IQGAP2: variants seen among roughly 807,000 people sequenced by gnomAD.
IQGAP2 encodes IQ motif containing GTPase activating protein 2, also known as ras GTPase-activating-like protein IQGAP2.
In IQGAP2, 173 loss-of-function variants were observed where a neutral mutation model predicts 201.3. That is an observed-to-expected ratio of 0.86 (90% CI 0.76 to 0.98). The LOEUF (loss-of-function observed/expected upper bound fraction) is 0.98. Ranked by LOEUF, IQGAP2 falls within the 50% of genes least tolerant of loss-of-function variation. The pLI is 0.00. For synonymous variants in IQGAP2, 675 were observed against 673.9 expected, an observed-to-expected ratio of 1.00 and a Z score of -0.03; for missense variants, 1,687 against 1,864.8, an observed-to-expected ratio of 0.90 and a Z score of 1.76.
At chr5:76,576,415 G>A (rs1340771208) in intron 5 of IQGAP2, among the ~76,000 whole-genome samples, 1 of 152,186 alleles carries the variant, frequency 6.6e-6, no homozygotes, top group African/African-American at 2.4e-5. Context: ...TGGAAGAAAT[G>A]TGATTTTTAG....
At chr5:76,564,894 G>A (rs558692180) in intron 3 of IQGAP2, among the ~76,000 whole-genome samples, 18 of 152,144 alleles carry the variant, frequency 1.2e-4, no homozygotes, top group Admixed American at 6.5e-4. Flanking sequence ...TGGCGTGGGA[G>A]CCCATCCTTG....
chr5:76,693,324 GA>G, intron 30 of IQGAP2, 30 bp from the exon 31 acceptor site: 3 of 1,514,654 alleles, frequency 2.0e-6, no homozygotes, highest in Non-Finnish European at 2.7e-6. Flanking sequence ...ACTACAGTCT[GA>G]AAGTCTGTCT....
intron 2 of IQGAP2, among the ~76,000 whole-genome samples, chr5:76,559,917 C>A (rs547628947): frequency 1.3e-5 from 2 of 152,156 alleles, no homozygotes; most frequent in African/African-American, 2.4e-5. Flanking sequence ...TGCCCACCCC[C>A]CTACCTCTGA....
chr5:76,532,514 T>A (rs1347675660), intron 2 of IQGAP2, among the ~76,000 whole-genome samples: 1 of 152,096 alleles, frequency 6.6e-6, no homozygotes, highest in Non-Finnish European at 1.5e-5. Flanking sequence ...TAGAAAACCC[T>A]TTGCATATGA....
At chr5:76,576,086 C>T (rs1368815996) in intron 5 of IQGAP2, among the ~76,000 whole-genome samples, 1 of 152,110 alleles carries the variant, frequency 6.6e-6, no homozygotes, top group East Asian at 1.9e-4. Context: ...CTACTATATT[C>T]TTGAGTTATG....
At chr5:76,538,562 T>C (rs886746918) in intron 2 of IQGAP2, among the ~76,000 whole-genome samples, 3 of 152,212 alleles carry the variant, frequency 2.0e-5, no homozygotes, top group African/African-American at 7.2e-5. Context: ...GAGTTTATAA[T>C]TGATGTGTGT....
intron 2 of IQGAP2, among the ~76,000 whole-genome samples, chr5:76,524,959 A>G (rs1230989736): frequency 6.6e-6 from 1 of 152,252 alleles, no homozygotes; most frequent in Non-Finnish European, 1.5e-5. Context: ...AATGTATTCA[A>G]CAAGGAAGCT....
At chr5:76,412,079 A>G (rs1751156274) in intron 1 of IQGAP2, among the ~76,000 whole-genome samples, 1 of 152,134 alleles carries the variant, frequency 6.6e-6, no homozygotes, top group Admixed American at 6.5e-5. Context: ...TTCATTCACA[A>G]TTTTTAGAAC....
chr5:76,439,214 G>T (rs1399323613), intron 1 of IQGAP2, among the ~76,000 whole-genome samples: 1 of 152,218 alleles, frequency 6.6e-6, no homozygotes, highest in Admixed American at 6.5e-5. Context: ...GGTCTGAGAA[G>T]ATACTTAATA....
chr5:76,627,057 G>A (rs966600945), intron 13 of IQGAP2, among the ~76,000 whole-genome samples: 8 of 152,156 alleles, frequency 5.3e-5, no homozygotes, highest in Admixed American at 3.9e-4. Flanking sequence ...GAAGCTTTAA[G>A]TAGAGGAGTG....
chr5:76,472,638 G>A (rs957117800), intron 2 of IQGAP2, among the ~76,000 whole-genome samples: 2 of 152,160 alleles, frequency 1.3e-5, no homozygotes, highest in African/African-American at 4.8e-5. Flanking sequence ...AAAGTTCTTT[G>A]TTTTTAGTTT....
chr5:76,641,248 T>C (rs1358746232), intron 17 of IQGAP2, 145 bp downstream of exon 17: 3 of 597,212 alleles, frequency 5.0e-6, no homozygotes, highest in Non-Finnish European at 5.7e-6. Flanking sequence ...CTAGTCTACT[T>C]CACTAAGGCT....
rs574490168 is a variant in IQGAP2, at chr5:76,669,560, T to C, written c.2843+716T>C. ...GACAGGAGGAAAGATTCCAACTAGGTTGACTAGTAAAGATTTTATAGAAGA... is the reference window on the plus strand; with the variant it reads ...GACAGGAGGAAAGATTCCAACTAGGCTGACTAGTAAAGATTTTATAGAAGA... On this transcript the variant is annotated intron_variant, in intron 23 of 35. Coordinates refer to ENST00000274364, the MANE Select transcript of IQGAP2 (RefSeq NM_006633.5). Among the ~76,000 whole-genome samples the C allele has an allele frequency of 5.3e-5, 8 of 152,196 alleles. No homozygotes were observed. The South Asian group carries it at 1.4e-3, about 28-fold the overall frequency.
chr5:76,528,599 G>T (rs1404092550), intron 2 of IQGAP2, among the ~76,000 whole-genome samples: 2 of 152,126 alleles, frequency 1.3e-5, no homozygotes, highest in Non-Finnish European at 2.9e-5. Context: ...AAGCTCAAGG[G>T]AGTGAATGCC....
chr5:76,631,718 T>C, intron 14 of IQGAP2, 141 bp from the exon 15 acceptor site: 1 of 544,470 alleles, frequency 1.8e-6, no homozygotes, highest in African/African-American at 2.0e-5. Context: ...TGTGATTGTC[T>C]TGGGCATATG....
chr5:76,501,457 T>G (rs1264021992), intron 2 of IQGAP2, among the ~76,000 whole-genome samples: 1 of 151,924 alleles, frequency 6.6e-6, no homozygotes, highest in Admixed American at 6.6e-5. Flanking sequence ...AAAATAACTT[T>G]TTGAGAATCG....
At chr5:76,550,887 G>T (rs983261072) in intron 2 of IQGAP2, among the ~76,000 whole-genome samples, 4 of 152,212 alleles carry the variant, frequency 2.6e-5, no homozygotes, top group African/African-American at 9.6e-5. Flanking sequence ...AGACGGGGTG[G>T]CGGCCGGGCA....
intron 11 of IQGAP2, among the ~76,000 whole-genome samples, chr5:76,603,317 G>T (rs551046723): frequency 1.3e-5 from 2 of 152,286 alleles, no homozygotes; most frequent in African/African-American, 4.8e-5. Context: ...CCTAGCATCT[G>T]ATGTTATCTC....
intron 1 of IQGAP2, among the ~76,000 whole-genome samples, chr5:76,438,008 GTTTTTTT>G (rs768892670): frequency 2.2e-5 from 2 of 91,048 alleles, no homozygotes; most frequent in African/African-American, 7.4e-5. Context: ...TTGGTCTGTA[GTTTTTTT>G]TTTTTTTTTT....
Sources: allele counts gnomAD v4.1 joint callset (sites outside exome capture counted in the v4.1 genomes callset), GRCh38; gene constraint gnomAD v4.1.1; transcripts MANE v1.5; gene names NCBI Gene and HGNC (gene_info 2026-07-23, HGNC 2026-07-21).